The following RNF185 variants were observed in gnomAD, a reference collection of about 807,000 sequenced individuals.
The protein encoded by RNF185 is ring finger protein 185, also known as E3 ubiquitin-protein ligase RNF185.
Under a neutral mutation model 24.9 loss-of-function variants are expected in RNF185, and 13 were observed. That is an observed-to-expected ratio of 0.52 (90% CI 0.34 to 0.83). The LOEUF (loss-of-function observed/expected upper bound fraction) is 0.83. Ranked by LOEUF, RNF185 falls within the 40% of genes least tolerant of loss-of-function variation. The pLI, the probability that RNF185 is intolerant of heterozygous loss-of-function variation, is 0.01. For synonymous variants in RNF185, 79 were observed against 90.3 expected (o/e 0.88, Z 0.71); for missense variants, 184 against 244.7 (o/e 0.75, Z 1.65).
chr22:31,162,766 C>CTT (rs71319163), intron 1 of RNF185, among the ~76,000 whole-genome samples: 10,059 of 134,382 alleles, frequency 0.075, 472 homozygotes, highest in Admixed American at 0.17. Context: ...ATTTTTCTTT[C>CTT]TTTTTTTTTT....
At chr22:31,191,674 TA>T (rs2048156591) in intron 2 of RNF185, among the ~76,000 whole-genome samples, 1 of 151,898 alleles carries the variant, frequency 6.6e-6, no homozygotes, top group Admixed American at 6.6e-5. Context: ...CTGCTAAAAA[TA>T]CAAAAAATTA....
At position 31,184,491 on chromosome 22, in the gene RNF185, G is replaced by A. The variant is rs1337272275; in HGVS notation, c.-48-2556G>A. ...AGACGATGGGCGGCCAGGCAGAGAC[G>A]CTCCTCACTTCCTAGATGGGGTGGC... On this transcript the variant is annotated intron_variant, in intron 1 of 6. Transcript: ENST00000326132. Among the ~76,000 whole-genome samples, 5 of 151,690 alleles carry A rather than the reference G, an allele frequency of 3.3e-5. No homozygotes were observed. In the East Asian group the frequency reaches 9.7e-4, roughly 29 times the overall value.
At chr22:31,165,723 GA>G (rs1172712842) in intron 1 of RNF185, among the ~76,000 whole-genome samples, 6 of 152,188 alleles carry the variant, frequency 3.9e-5, no homozygotes, top group Non-Finnish European at 8.8e-5. Flanking sequence ...GTCCAGAAAT[GA>G]GGTTGTCATC....
At chr22:31,180,911 C>CTGTG (rs1480111783) in intron 1 of RNF185, among the ~76,000 whole-genome samples, 211 of 124,512 alleles carry the variant, frequency 1.7e-3, no homozygotes, top group South Asian at 9.1e-3. Context: ...TTTTCTCTCT[C>CTGTG]TCTCTGTGTG....
chr22:31,181,093 A>G (rs2048032028), intron 1 of RNF185, among the ~76,000 whole-genome samples: 1 of 152,116 alleles, frequency 6.6e-6, no homozygotes, highest in African/African-American at 2.4e-5. Context: ...GGGGCTAGGC[A>G]TGGTGGCTCA....
chr22:31,196,200 A>C (rs1173354072), intron 4 of RNF185, among the ~76,000 whole-genome samples: 2 of 151,452 alleles, frequency 1.3e-5, no homozygotes, highest in African/African-American at 4.9e-5. Context: ...CTACCCCTCT[A>C]CCCCCACCTG....
intron 6 of RNF185, among the ~76,000 whole-genome samples, chr22:31,203,629 C>T (rs1224241276): frequency 6.6e-6 from 1 of 152,238 alleles, no homozygotes; most frequent in African/African-American, 2.4e-5. Context: ...CTGTTAATCA[C>T]CTGGTTTATT....
intron 1 of RNF185, among the ~76,000 whole-genome samples, chr22:31,169,307 T>C (rs1395027689): frequency 6.6e-6 from 1 of 152,252 alleles, no homozygotes; most frequent in Non-Finnish European, 1.5e-5. Context: ...GCAAATATTT[T>C]CTCCCATTCT....
At chr22:31,182,641 G>C (rs2048050564) in intron 1 of RNF185, among the ~76,000 whole-genome samples, 1 of 151,910 alleles carries the variant, frequency 6.6e-6, no homozygotes, top group Non-Finnish European at 1.5e-5. Context: ...AGGCTAAACA[G>C]TTTTTGTCAA....
chr22:31,178,472 G>T (rs2048004071), intron 1 of RNF185, among the ~76,000 whole-genome samples: 1 of 152,124 alleles, frequency 6.6e-6, no homozygotes, highest in Non-Finnish European at 1.5e-5. Context: ...CAGATTCTTA[G>T]GCCTGATCTA....
At position 31,205,065 on chromosome 22, in the gene RNF185, C is replaced by G. The variant is rs74491643; in HGVS notation, c.*479C>G. ...ATAGAGAGGTTCCCCTTTCAAATCCCAGTGCCGCTCTGTTCTCTTTCCTTC... is the reference window on the plus strand; with the variant it reads ...ATAGAGAGGTTCCCCTTTCAAATCCGAGTGCCGCTCTGTTCTCTTTCCTTC... On this transcript the variant is annotated 3_prime_UTR_variant, in exon 7 of 7. Transcript: ENST00000326132. The G allele has an allele frequency of 0.013, 2,326 of 180,038 alleles. 22 individuals carry two copies. The highest frequency in any genetic ancestry group is 0.023 in the Middle Eastern group (45 of 1,934). The allele number at this position is 180,038 out of a possible 1,614,324, so 11.2% of individuals were successfully genotyped here. A position where few individuals can be genotyped will look rare whatever the true frequency, so the allele number is the denominator to read the frequency against.
At chr22:31,203,399 G>A (rs2048282660) in intron 6 of RNF185, among the ~76,000 whole-genome samples, 1 of 152,126 alleles carries the variant, frequency 6.6e-6, no homozygotes, top group Admixed American at 6.6e-5. Context: ...ATCCCTGTGG[G>A]GCCCTTGAGA....
chr22:31,164,881 G>A (rs1923818410), intron 1 of RNF185, among the ~76,000 whole-genome samples: 1 of 150,570 alleles, frequency 6.6e-6, no homozygotes, highest in Non-Finnish European at 1.5e-5. Context: ...ACCACACCCG[G>A]CCTGCATTTG....
chr22:31,187,485 C>G (rs1186580409), intron 2 of RNF185, among the ~76,000 whole-genome samples: 1 of 152,200 alleles, frequency 6.6e-6, no homozygotes, highest in Non-Finnish European at 1.5e-5. Flanking sequence ...CTCCCCATCT[C>G]TAAAGTAATA....
At chr22:31,160,844 G>A (rs149831997) in intron 1 of RNF185, among the ~76,000 whole-genome samples, 15 of 152,302 alleles carry the variant, frequency 9.8e-5, no homozygotes, top group Non-Finnish European at 2.9e-5. Flanking sequence ...TGAGATGCCG[G>A]CTTTACAGCG....
At chr22:31,203,733 TG>T (rs2048285483) in intron 6 of RNF185, among the ~76,000 whole-genome samples, 2 of 152,142 alleles carry the variant, frequency 1.3e-5, no homozygotes, top group African/African-American at 4.8e-5. Flanking sequence ...TGATATTATT[TG>T]GGGTTTAGAA....
intron 4 of RNF185, among the ~76,000 whole-genome samples, chr22:31,196,564 C>T (rs1276751398): frequency 6.6e-6 from 1 of 152,198 alleles, no homozygotes; most frequent in Non-Finnish European, 1.5e-5. Flanking sequence ...TCAGCCCTTA[C>T]TGCTGACAAC....
intron 2 of RNF185, among the ~76,000 whole-genome samples, 168 bp downstream of exon 2, chr22:31,187,438 G>A (rs1185298149): frequency 6.6e-6 from 1 of 152,214 alleles, no homozygotes; most frequent in Non-Finnish European, 1.5e-5. Context: ...TGAGCTGGAT[G>A]ACCTTGGGCA....
rs115567968 is a variant in RNF185 at position 31,192,839 on chromosome 22, C to T, written c.195+137C>T. On this transcript the variant is annotated intron_variant, in intron 3 of 6. Coordinates refer to ENST00000326132, the MANE Select transcript of RNF185 (RefSeq NM_152267.4). Reference sequence around the variant, plus strand: ...TTTGCTTACTTACCCCCACAGCCTTCTTTACATACCTGTCCACTGACAGAC... The same window carrying T: ...TTTGCTTACTTACCCCCACAGCCTTTTTTACATACCTGTCCACTGACAGAC... 580 of 737,258 alleles carry T rather than the reference C, an allele frequency of 7.9e-4. 2 individuals are homozygous for T. The African/African-American group carries it at 9.5e-3, about 12-fold the overall frequency. The allele number at this position is 737,258 out of a possible 1,614,324, so 45.7% of individuals were successfully genotyped here.
Sources: gnomAD v4.1 joint callset for allele counts (sites outside exome capture counted in the v4.1 genomes callset) on GRCh38, gnomAD v4.1.1 for gene constraint, MANE v1.5 for transcripts, NCBI Gene and HGNC (gene_info 2026-07-23, HGNC 2026-07-21) for gene names.